TTLL7: variants seen among roughly 807,000 people sequenced by gnomAD.
TTLL7 encodes the protein tubulin tyrosine ligase like 7.
Under a neutral mutation model 120.2 loss-of-function variants are expected in TTLL7, and 53 were observed. That is an observed-to-expected ratio of 0.44 (90% CI 0.35 to 0.55). TTLL7 has a LOEUF of 0.55. Among genes scored for constraint, TTLL7 ranks in the 20% least tolerant of loss-of-function variants. The probability of loss-of-function intolerance (pLI) is 0.00; values close to 1 mark genes in which losing one functional copy is unlikely to be tolerated. For synonymous variants in TTLL7, 353 were observed against 351.7 expected, an observed-to-expected ratio of 1.00 and a Z score of -0.04; for missense variants, 803 against 1,054.7, an observed-to-expected ratio of 0.76 and a Z score of 3.31.
intron 19 of TTLL7, chr1:83,889,955 T>A (rs750060626): frequency 2.2e-6 from 1 of 462,638 alleles, no homozygotes. Context: ...TTAGATATCT[T>A]GAGGCTAAAA....
Position 83,921,159 on chromosome 1 carries a change from T to C in TTLL7, c.1292A>G (p.Lys431Arg), listed in dbSNP as rs1658620301. ...CTTTCGTACTTGAGCGAGTCTCTCT[T>C]TCTGGAAATGAGAAAAATTTTACAA... is the stretch of plus-strand genomic sequence containing the variant. ...HQLERRKEEL[K>R]ERLAQVRKQI... Residue 431 changes from lysine (K) to arginine (R), a missense_variant and splice_region_variant, in exon 12 of 21, where the codon AAA becomes AGA. Physicochemically the swap from Lys to Arg is conservative, Grantham distance 26 (BLOSUM62 2). Coordinates refer to ENST00000260505, the MANE Select transcript of TTLL7 (RefSeq NM_024686.6). 1 of 1,611,470 alleles carries C rather than the reference T, an allele frequency of 6.2e-7. No homozygotes were observed.
At chr1:83,903,750 T>C (rs1301730379) in intron 18 of TTLL7, among the ~76,000 whole-genome samples, 1 of 151,974 alleles carries the variant, frequency 6.6e-6, no homozygotes, top group Non-Finnish European at 1.5e-5. Context: ...TCCAAACACG[T>C]TCAATCCCTG....
intron 1 of TTLL7, among the ~76,000 whole-genome samples, chr1:83,957,766 T>C (rs1557736213): frequency 6.6e-6 from 1 of 152,226 alleles, no homozygotes; most frequent in Non-Finnish European, 1.5e-5. Context: ...TTTGTTCGAC[T>C]GAATCTACGT....
rs553680946 is a variant in TTLL7 at position 83,993,691 on chromosome 1, G to A, written c.-177+5240C>T. On this transcript the variant is annotated intron_variant, in intron 1 of 20. Coordinates refer to ENST00000260505, the MANE Select transcript of TTLL7 (RefSeq NM_024686.6). The stretch of plus-strand genomic sequence containing the variant: ...CAGAGAAGACCCAGTGAATGCTGGA[G>A]TACTTAACTCTACACCTTCAAAGGA... Among the ~76,000 whole-genome samples, 3 of 152,270 alleles carry A rather than the reference G, an allele frequency of 2.0e-5. No homozygotes were observed. The South Asian group carries it at 6.2e-4, about 32-fold the overall frequency.
At chr1:83,976,274 A>C (rs933278128) in intron 1 of TTLL7, among the ~76,000 whole-genome samples, 1 of 152,066 alleles carries the variant, frequency 6.6e-6, no homozygotes, top group Admixed American at 6.6e-5. Flanking sequence ...TGTAGCCATC[A>C]TCAACCCAGC....
In TTLL7 at chr1:83,907,543, T is replaced by C. The variant is rs1191197847; in HGVS notation, c.1905A>G (p.Ala635=). The change falls in exon 16 of 21, where the codon GCA becomes GCG. Residue 635 remains alanine, a synonymous_variant. Transcript: ENST00000260505. ...CACGGTTTAAGGAATGTGACCGAGATGCAGAAGTTGGCCGTGACACAGATA... is the reference window on the plus strand; with the variant it reads ...CACGGTTTAAGGAATGTGACCGAGACGCAGAAGTTGGCCGTGACACAGATA... The part of the protein sequence containing the change: ...QMISVSRPTS[A]SRSHSLNRAS... 6.2e-7 allele frequency: 1 copy of C among 1,613,374 alleles called. No individual in the cohort carries two copies. The highest frequency in any genetic ancestry group is 1.1e-5 in the South Asian group (1 of 91,064).
Position 83,907,506 on chromosome 1 carries a change from T to A in TTLL7, c.1942A>T (p.Met648Leu), listed in dbSNP as rs201287031. 9.9e-6 allele frequency: 16 copies of A among 1,612,924 alleles called. No homozygotes were observed. The highest frequency in any genetic ancestry group is 1.4e-5 in the Non-Finnish European group (16 of 1,179,346). Residue 648 changes from methionine to leucine, a missense_variant, in exon 16 of 21, where the codon ATG becomes TTG. Met to Leu is a conservative substitution (Grantham distance 15). This residue lies in a region of TTLL7 where 388 missense variants were observed against 450.4 expected (regional missense o/e 0.86). Coordinates refer to ENST00000260505, the MANE Select transcript of TTLL7 (RefSeq NM_024686.6). ...TCATTACTGTGAGGCAGATGCCTCATGTAGGAGGAAGCACGGTTTAAGGAA... is the reference window on the plus strand; with the variant it reads ...TCATTACTGTGAGGCAGATGCCTCAAGTAGGAGGAAGCACGGTTTAAGGAA... Reference protein sequence around the residue: ...SHSLNRASSYMRHLPHSNDAC... With the variant: ...SHSLNRASSYLRHLPHSNDAC...
chr1:83,927,979 T>C (rs1269370228), intron 10 of TTLL7, among the ~76,000 whole-genome samples: 1 of 152,188 alleles, frequency 6.6e-6, no homozygotes, highest in Admixed American at 6.6e-5. Flanking sequence ...CTAAATTCTC[T>C]GTGGAACAAC....
chr1:83,955,665 T>G (rs1649444589), intron 1 of TTLL7, among the ~76,000 whole-genome samples: 2 of 152,214 alleles, frequency 1.3e-5, no homozygotes, highest in Admixed American at 6.5e-5. Flanking sequence ...AGTTATCCAA[T>G]TTGTGGCGTT....
rs781182048 is a variant in TTLL7, at chr1:83,998,934, G to C, written c.-180C>G. On this transcript the variant is annotated 5_prime_UTR_variant, in exon 1 of 21. Transcript: ENST00000260505. ...GATGGCGGCAGCAGGTACTCACCCGGGTGAGGAAAGCCCAGCCCGGGTCCT... is the reference window on the plus strand; with the variant it reads ...GATGGCGGCAGCAGGTACTCACCCGCGTGAGGAAAGCCCAGCCCGGGTCCT... The C allele has an allele frequency of 9.7e-6, 4 of 413,942 alleles. No individual in the cohort carries two copies. Among genetic ancestry groups the C allele is most frequent in the Non-Finnish European group, 1.9e-5 (4 of 206,518 alleles). 25.6% of individuals were successfully genotyped at this position (413,942 alleles called of 1,614,324 possible).
intron 14 of TTLL7, among the ~76,000 whole-genome samples, chr1:83,915,877 G>A (rs1658113364): frequency 6.6e-6 from 1 of 152,082 alleles, no homozygotes; most frequent in Non-Finnish European, 1.5e-5. Context: ...GCAGTCAAAA[G>A]ACACATGAAA....
intron 19 of TTLL7, among the ~76,000 whole-genome samples, chr1:83,885,255 A>T (rs1194980159): frequency 6.6e-6 from 1 of 151,932 alleles, no homozygotes; most frequent in Non-Finnish European, 1.5e-5. Context: ...ATGTCTATAA[A>T]AGTCTACCTC....
At chr1:83,871,719 C>A (rs996797052) in intron 20 of TTLL7, among the ~76,000 whole-genome samples, 2 of 151,716 alleles carry the variant, frequency 1.3e-5, no homozygotes, top group Non-Finnish European at 2.9e-5. Flanking sequence ...CATGGTGAAA[C>A]CCTGTCTCTA....
intron 13 of TTLL7, among the ~76,000 whole-genome samples, 183 bp from the exon 14 acceptor site, chr1:83,917,873 C>A (rs990679149): frequency 6.6e-6 from 1 of 152,102 alleles, no homozygotes; most frequent in Non-Finnish European, 1.5e-5. Flanking sequence ...TCACTAAAAT[C>A]TGGCATTATA....
Position 83,921,279 on chromosome 1 carries a change from T to G in TTLL7, c.1258A>C (p.Arg420=), listed in dbSNP as rs1658637437. 1.2e-6 allele frequency: 2 copies of G among 1,613,150 alleles called. No homozygotes were observed. The highest frequency in any genetic ancestry group is 1.7e-6 in the Non-Finnish European group (2 of 1,179,742). ...TCTTTCCGCCTCTCCAACTGGTGTC[T>G]CTGCTGTTCCCAGTCTGAGGAGCCT... ...LPGSSDWEQQ[R]HQLERRKEEL... The change falls in exon 11 of 21, where the codon AGA becomes CGA. Residue 420 remains arginine (R), a synonymous_variant. Coordinates refer to ENST00000260505, the MANE Select transcript of TTLL7 (RefSeq NM_024686.6).
At chr1:83,886,362 C>A (rs1654975103) in intron 19 of TTLL7, among the ~76,000 whole-genome samples, 1 of 151,936 alleles carries the variant, frequency 6.6e-6, no homozygotes, top group Admixed American at 6.6e-5. Flanking sequence ...CACCCTTGTC[C>A]TTCTCTTTTC....
At chr1:83,969,893 T>G (rs1234629416) in intron 1 of TTLL7, among the ~76,000 whole-genome samples, 2 of 152,010 alleles carry the variant, frequency 1.3e-5, no homozygotes, top group African/African-American at 4.8e-5. Context: ...TGAAATGATA[T>G]GTATTTTACC....
At chr1:83,951,088 G>A (rs1201131395) in intron 3 of TTLL7, among the ~76,000 whole-genome samples, 2 of 152,066 alleles carry the variant, frequency 1.3e-5, no homozygotes, top group South Asian at 2.1e-4. Context: ...GGTGGCTCAC[G>A]CCTGTAATCC....
intron 18 of TTLL7, among the ~76,000 whole-genome samples, chr1:83,892,729 C>CACATATATATGAGCACATATGTGA (rs1553129253): frequency 0.087 from 2,724 of 31,170 alleles, 288 homozygotes; most frequent in East Asian, 0.11. Flanking sequence ...TATATGTGAA[C>CACATATATATGAGCACATATGTGA]ACATATATAT....
Sources: gnomAD v4.1 joint callset for allele counts (sites outside exome capture counted in the v4.1 genomes callset) on GRCh38, gnomAD v4.1.1 for gene constraint, gnomAD v4.1.1 regional missense constraint, MANE v1.5 for transcripts, NCBI Gene and HGNC (gene_info 2026-07-23, HGNC 2026-07-21) for gene names.